SLC26A9: variants seen among roughly 807,000 people sequenced by gnomAD.
The protein encoded by SLC26A9 is solute carrier family 26 member 9.
In SLC26A9, 46 loss-of-function variants were observed where a neutral mutation model predicts 87.1. The observed-to-expected ratio is 0.53, with a 90% CI of 0.42 to 0.67. The LOEUF (loss-of-function observed/expected upper bound fraction) is 0.67. Ranked by LOEUF, SLC26A9 falls within the 30% of genes least tolerant of loss-of-function variation. SLC26A9 has a pLI of 0.00. For synonymous variants in SLC26A9, 437 were observed against 409.1 expected (o/e 1.07, Z -0.82); for missense variants, 927 against 1,018.3 (o/e 0.91, Z 1.22).
intron 17 of SLC26A9, 41 bp downstream of exon 17, chr1:205,921,525 G>T: frequency 6.3e-7 from 1 of 1,584,832 alleles, no homozygotes; most frequent in South Asian, 1.1e-5. Flanking sequence ...CAGAGCGGAG[G>T]GGGTGGAGTG....
At chr1:205,919,294 C>A (rs1376427299) in intron 18 of SLC26A9, among the ~76,000 whole-genome samples, 2 of 152,146 alleles carry the variant, frequency 1.3e-5, no homozygotes, top group African/African-American at 4.8e-5. Flanking sequence ...AGTTCTATCC[C>A]CCAAGGACCC....
Position 205,930,020 on chromosome 1 carries a change from T to C in SLC26A9, c.589A>G (p.Ile197Val). The change falls in exon 6 of 21, where the codon ATC becomes GTC. Residue 197 changes from isoleucine (I) to valine (V), a missense_variant. By Grantham distance (29) the Ile-to-Val change is conservative. Coordinates refer to ENST00000367135, the MANE Select transcript of SLC26A9 (RefSeq NM_052934.4). Reference protein sequence around the residue: ...LGFMQFGFVAIYLSESFIRGF... With the variant: ...LGFMQFGFVAVYLSESFIRGF... ...CGGATGAAGGACTCGGAGAGGTAGA[T>C]GGCCACAAAGCCAAACTGCATGAAG... 6.2e-7 allele frequency: 1 copy of C among 1,613,328 alleles called. No homozygotes were observed. Among genetic ancestry groups the C allele is most frequent in the South Asian group, 1.1e-5 (1 of 91,042 alleles).
At chr1:205,927,773 G>C in intron 9 of SLC26A9, 129 bp downstream of exon 9, 1 of 1,484,918 alleles carries the variant, frequency 6.7e-7, no homozygotes, top group South Asian at 1.3e-5. Context: ...AGGGTCAGAG[G>C]ACCCCCTATC....
Position 205,914,318 on chromosome 1 carries a change from G to A in SLC26A9, c.*1039C>T, listed in dbSNP as rs1295860400. On this transcript the variant is annotated 3_prime_UTR_variant, in exon 21 of 21. Coordinates refer to ENST00000367135, the MANE Select transcript of SLC26A9 (RefSeq NM_052934.4). Reference sequence around the variant, plus strand: ...CTGATAAGGAAGAGTTAACATGATTGGCTCTTTGCCAGGTAAAGAAGGATA... The same window carrying A: ...CTGATAAGGAAGAGTTAACATGATTAGCTCTTTGCCAGGTAAAGAAGGATA... 2.0e-5 allele frequency: 3 copies of A among 153,316 alleles called. No individual in the cohort carries two copies. In the East Asian group the frequency reaches 5.8e-4, roughly 30 times the overall value. 9.5% of individuals were successfully genotyped at this position (153,316 alleles called of 1,614,324 possible).
At chr1:205,930,635 C>T (rs1659266967) in intron 5 of SLC26A9, among the ~76,000 whole-genome samples, 1 of 152,232 alleles carries the variant, frequency 6.6e-6, no homozygotes, top group African/African-American at 2.4e-5. Context: ...GAGAACAGAC[C>T]CCAGATCTCA....
chr1:205,933,909 C>A (rs759281413), intron 2 of SLC26A9, among the ~76,000 whole-genome samples: 2 of 152,130 alleles, frequency 1.3e-5, no homozygotes, highest in Non-Finnish European at 2.9e-5. Flanking sequence ...GCGGTAGGAA[C>A]AAGGGCTTAC....
Position 205,932,903 on chromosome 1 carries a change from A to G in SLC26A9, c.265+42T>C, listed in dbSNP as rs757201329. The G allele has an allele frequency of 5.0e-6, 8 of 1,611,848 alleles. No homozygotes were observed. In the South Asian group the frequency reaches 8.8e-5, roughly 18 times the overall value. ...AGTGGGGATGAGGAGAGGAATGGTG[A>G]GGGGAGTGGCAATCCAGGCCTGGCT... is the stretch of plus-strand genomic sequence containing the variant. On this transcript the variant is annotated intron_variant, in intron 3 of 20. Coordinates refer to ENST00000367135, the MANE Select transcript of SLC26A9 (RefSeq NM_052934.4).
At chr1:205,936,316 A>G (rs1659507642) in intron 1 of SLC26A9, among the ~76,000 whole-genome samples, 2 of 152,246 alleles carry the variant, frequency 1.3e-5, no homozygotes, top group Admixed American at 6.5e-5. Context: ...GCCTAGAGGC[A>G]GGGGGATAGC....
chr1:205,925,841 GCAGTGTCGTCAAAACA>G (rs1458886722), intron 12 of SLC26A9, among the ~76,000 whole-genome samples: 3 of 152,238 alleles, frequency 2.0e-5, no homozygotes, highest in African/African-American at 7.2e-5. Flanking sequence ...TGGAGAGAAG[GCAGTGTCGTCAAAACA>G]CACTGGCCTT....
chr1:205,928,114 C>T (rs1031156777), intron 8 of SLC26A9, 65 bp from the exon 9 acceptor site: 2 of 1,557,970 alleles, frequency 1.3e-6, no homozygotes, highest in Admixed American at 1.8e-5. Context: ...CCAAGTCCTT[C>T]ACCAGCCCAC....
intron 1 of SLC26A9, among the ~76,000 whole-genome samples, chr1:205,937,990 G>A (rs887764445): frequency 1.3e-5 from 2 of 152,136 alleles, no homozygotes; most frequent in Admixed American, 6.5e-5. Context: ...ACACCAACCA[G>A]CAGGCAGCGA....
In SLC26A9 at chr1:205,913,075, T is replaced by C. The variant is rs1181351045; in HGVS notation, c.*2282A>G. The C allele has an allele frequency of 6.6e-6, 1 of 152,160 alleles. No individual in the cohort carries two copies. The highest frequency in any genetic ancestry group is 2.4e-5 in the African/African-American group (1 of 41,442). The allele number at this position is 152,160 out of a possible 1,614,324, so 9.4% of individuals were successfully genotyped here. ...TGTTCACAATTCAAATCCAGTTTAT[T>C]ACCAAAATGAACAAAAGGAGAATGA... On this transcript the variant is annotated 3_prime_UTR_variant, in exon 21 of 21. Transcript: ENST00000367135.
At chr1:205,939,801 A>G (rs1659661864) in intron 1 of SLC26A9, among the ~76,000 whole-genome samples, 1 of 152,110 alleles carries the variant, frequency 6.6e-6, no homozygotes, top group Admixed American at 6.5e-5. Flanking sequence ...AGGTATAGGG[A>G]ACATAACAAT....
At chr1:205,928,418 G>A (rs374591748) in intron 8 of SLC26A9, 29 of 378,508 alleles carry the variant, frequency 7.7e-5, no homozygotes, top group South Asian at 3.4e-4. Flanking sequence ...CAGGACAAGC[G>A]TCACCCCTCT....
At chr1:205,927,311 A>T (rs765820109) in intron 10 of SLC26A9, 23 bp from the exon 11 acceptor site, 1 of 1,613,570 alleles carries the variant, frequency 6.2e-7, no homozygotes, top group Non-Finnish European at 8.5e-7. Context: ...AGAGTTGGGG[A>T]TAGAGGGAAG....
At chr1:205,927,701 C>A in intron 9 of SLC26A9, 96 bp from the exon 10 acceptor site, 1 of 1,401,908 alleles carries the variant, frequency 7.1e-7, no homozygotes, top group Middle Eastern at 2.2e-4. Flanking sequence ...GGGCCTAAGA[C>A]CTGAGAGTGA....
In SLC26A9 at chr1:205,914,767, G is replaced by A. The variant is rs577783790; in HGVS notation, c.*590C>T. The A allele has an allele frequency of 5.6e-5, 67 of 1,199,340 alleles. 1 individual carries two copies. The South Asian group carries it at 8.0e-4, about 14-fold the overall frequency. The allele number at this position is 1,199,340 out of a possible 1,614,324, so 74.3% of individuals were successfully genotyped here. ...GCAGCCTTGGGGATGATGGAGGGGGGGCGCATAGTTACCAAGGCCTAGACT... is the reference window on the plus strand; with the variant it reads ...GCAGCCTTGGGGATGATGGAGGGGGAGCGCATAGTTACCAAGGCCTAGACT... On this transcript the variant is annotated 3_prime_UTR_variant, in exon 21 of 21. Coordinates refer to ENST00000367135, the MANE Select transcript of SLC26A9 (RefSeq NM_052934.4).
intron 5 of SLC26A9, among the ~76,000 whole-genome samples, chr1:205,931,639 G>A (rs1345549611): frequency 6.6e-6 from 1 of 151,884 alleles, no homozygotes; most frequent in East Asian, 1.9e-4. Context: ...GATTATTTTT[G>A]TATTTTTGGT....
intron 5 of SLC26A9, among the ~76,000 whole-genome samples, chr1:205,930,911 C>T (rs1254186682): frequency 6.6e-6 from 1 of 152,194 alleles, no homozygotes; most frequent in Non-Finnish European, 1.5e-5. Context: ...CTCTACTTTG[C>T]TGCTTATCTC....
Sources: allele counts gnomAD v4.1 joint callset (sites outside exome capture counted in the v4.1 genomes callset), GRCh38; gene constraint gnomAD v4.1.1; transcripts MANE v1.5; gene names NCBI Gene and HGNC (gene_info 2026-07-23, HGNC 2026-07-21).